The following CFAP47 variants were observed in gnomAD, a reference collection of about 807,000 sequenced individuals.
CFAP47 encodes the protein cilia- and flagella-associated protein 47.
CFAP47 carries 29 observed loss-of-function variants against 148.1 expected under a neutral mutation model. The ratio of observed to expected loss-of-function variants is 0.20; its 90% CI spans 0.15 to 0.27. The LOEUF is 0.27. Among genes scored for constraint, CFAP47 ranks in the 10% least tolerant of loss-of-function variants. The pLI is 1.00. For missense variants in CFAP47, 1,872 were observed against 1,697.5 expected, an observed-to-expected ratio of 1.10 and a Z score of -1.81; for synonymous variants, 664 against 577.3, an observed-to-expected ratio of 1.15 and a Z score of -2.15.
rs1935642245 is a variant in CFAP47, at chrX:35,924,010, AATATATATGCACAT to A, written c.250-2000_250-1987del. On this transcript the variant is annotated intron_variant, in intron 1 of 63. Coordinates refer to ENST00000378653, the MANE Select transcript of CFAP47 (RefSeq NM_001304548.2). The stretch of plus-strand genomic sequence containing the variant: ...ATGTACATATATGTGTATATGTGTA[AATATATATGCACAT>A]ATATATGCACATATATGTGTATATG... Among the ~76,000 whole-genome samples, 6 of 92,162 alleles carry A rather than the reference AATATATATGCACAT, an allele frequency of 6.5e-5. No individual in the cohort carries two copies. In the South Asian group the frequency reaches 1.5e-3, roughly 23 times the overall value. The allele number at this position is 92,162 out of a possible 115,157, so 80.0% of individuals were successfully genotyped here. A position where few individuals can be genotyped will look rare whatever the true frequency, so the allele number is the denominator to read the frequency against.
At chrX:36,095,314 A>G (rs778028844) in intron 30 of CFAP47, among the ~76,000 whole-genome samples, 2 of 111,884 alleles carry the variant, frequency 1.8e-5, no homozygotes, top group Non-Finnish European at 3.8e-5. Flanking sequence ...GGATTTCTGC[A>G]TCAATATTCA....
chrX:36,354,254 G>A (rs1556018026), intron 60 of CFAP47, among the ~76,000 whole-genome samples: 2 of 110,503 alleles, frequency 1.8e-5, no homozygotes, highest in Non-Finnish European at 3.8e-5. Context: ...GGTCAAGGCG[G>A]GAGGATCACG....
chrX:36,072,245 A>G (rs1937769042), intron 28 of CFAP47, among the ~76,000 whole-genome samples: 1 of 112,158 alleles, frequency 8.9e-6, no homozygotes, highest in South Asian at 3.6e-4. Context: ...CCATTTATTA[A>G]ATGCATTGGG....
At chrX:36,337,986 CAGCCTCCCGAGT>C (rs1941621446) in intron 57 of CFAP47, among the ~76,000 whole-genome samples, 1 of 102,931 alleles carries the variant, frequency 9.7e-6, no homozygotes, top group Non-Finnish European at 2.0e-5. Context: ...TCTCCTGCCG[CAGCCTCCCGAGT>C]AGCTGGGACT....
At chrX:35,920,294 C>G (rs1415074005) in intron 1 of CFAP47, among the ~76,000 whole-genome samples, 1 of 111,599 alleles carries the variant, frequency 9.0e-6, no homozygotes, top group African/African-American at 3.3e-5. Flanking sequence ...CTCCCCATTT[C>G]TTCAACCTGG....
chrX:36,158,425 A>C (rs143131112), intron 37 of CFAP47, among the ~76,000 whole-genome samples: 1,709 of 112,358 alleles, frequency 0.015, 51 homozygotes, highest in Admixed American at 0.09. Flanking sequence ...TTATTTAAAC[A>C]GTGAAAGCAT....
intron 62 of CFAP47, among the ~76,000 whole-genome samples, chrX:36,368,917 T>A (rs1283464114): frequency 9.0e-6 from 1 of 111,421 alleles, no homozygotes; most frequent in Non-Finnish European, 1.9e-5. Context: ...GTAACTGTTT[T>A]TGATATTAAG....
rs189082533 is a variant in CFAP47, at chrX:35,975,858, A to G, written c.2658A>G (p.Gln886=). Residue 886 remains glutamine (Q), a synonymous_variant, in exon 15 of 64, where the codon CAA becomes CAG. Transcript: ENST00000378653. ...GTCAGAATTGTTGTGCTCAGTTTCA[A>G]TGGCAACCCGTAAACACAGGAAGAG... ...YNRQNCCAQF[Q]WQPVNTGRGI... The G allele has an allele frequency of 9.9e-6, 12 of 1,207,470 alleles. No individual in the cohort carries two copies. The African/African-American group carries it at 1.2e-4, about 12-fold the overall frequency.
chrX:36,383,897 C>T (rs1343495525), intron 63 of CFAP47, among the ~76,000 whole-genome samples: 8 of 111,497 alleles, frequency 7.2e-5, no homozygotes, highest in Non-Finnish European at 1.3e-4. Flanking sequence ...AAGTTCTGCA[C>T]AAGGAATGAG....
intron 24 of CFAP47, among the ~76,000 whole-genome samples, chrX:36,038,544 C>T (rs1046593697): frequency 3.2e-4 from 36 of 111,912 alleles, no homozygotes; most frequent in Non-Finnish European, 5.6e-4. Flanking sequence ...ATTTGGGATA[C>T]AGCACATTCC....
intron 49 of CFAP47, among the ~76,000 whole-genome samples, chrX:36,276,162 A>G (rs1387245000): frequency 9.0e-6 from 1 of 110,900 alleles, no homozygotes; most frequent in Non-Finnish European, 1.9e-5. Flanking sequence ...GCATCTTTGT[A>G]TATAACTCTT....
intron 27 of CFAP47, among the ~76,000 whole-genome samples, chrX:36,066,558 G>A (rs898804381): frequency 1.8e-4 from 20 of 111,478 alleles, no homozygotes; most frequent in African/African-American, 3.9e-4. Flanking sequence ...AGCATGTATC[G>A]TGACTCTTTT....
intron 37 of CFAP47, among the ~76,000 whole-genome samples, chrX:36,158,862 G>T (rs762385468): frequency 1.8e-5 from 2 of 111,140 alleles, no homozygotes; most frequent in Non-Finnish European, 3.8e-5. Flanking sequence ...CCTACAGACT[G>T]GTGAATGGAA....
intron 51 of CFAP47, among the ~76,000 whole-genome samples, chrX:36,285,983 A>G (rs1412171346): frequency 1.8e-5 from 2 of 111,597 alleles, no homozygotes; most frequent in African/African-American, 3.2e-5. Flanking sequence ...GAGTTACTAG[A>G]GCAAACTTAA....
chrX:36,344,954 C>T (rs1390929302), intron 57 of CFAP47, among the ~76,000 whole-genome samples: 1 of 111,468 alleles, frequency 9.0e-6, no homozygotes, highest in African/African-American at 3.3e-5. Context: ...TCTTTCATTA[C>T]CTTGAAGGGA....
intron 51 of CFAP47, among the ~76,000 whole-genome samples, chrX:36,296,222 T>A (rs987401381): frequency 2.7e-5 from 3 of 112,286 alleles, no homozygotes; most frequent in African/African-American, 9.7e-5. Context: ...TCTGGCCAAC[T>A]GTAGAATATT....
chrX:36,238,539 T>C (rs1305298455), intron 48 of CFAP47, among the ~76,000 whole-genome samples: 3 of 112,086 alleles, frequency 2.7e-5, no homozygotes, highest in African/African-American at 9.7e-5. Flanking sequence ...TTGTTTCCTC[T>C]GCTGTGACCT....
At position 36,348,302 on chromosome X, in the gene CFAP47, A is replaced by G; in HGVS notation, c.8603+14A>G. The G allele has an allele frequency of 1.1e-6, 1 of 923,994 alleles. No homozygotes were observed. The highest frequency in any genetic ancestry group is 1.4e-6 in the Non-Finnish European group (1 of 714,942). 76.1% of individuals were successfully genotyped at this position (923,994 alleles called of 1,213,427 possible). A position where few individuals can be genotyped will look rare whatever the true frequency, so the allele number is the denominator to read the frequency against. On this transcript the variant is annotated intron_variant, in intron 58 of 63. Coordinates refer to ENST00000378653, the MANE Select transcript of CFAP47 (RefSeq NM_001304548.2). ...AAAATTTAAAAGGTAACATTTAAAT[A>G]AAGACATTGAAGGAAAATAATTTTA...
chrX:35,945,414 A>G (rs1361186816), intron 3 of CFAP47, among the ~76,000 whole-genome samples: 1 of 111,004 alleles, frequency 9.0e-6, no homozygotes, highest in Non-Finnish European at 1.9e-5. Flanking sequence ...TCCTTGGACC[A>G]TCACTTCCCT....
Sources: gnomAD v4.1 joint callset for allele counts (sites outside exome capture counted in the v4.1 genomes callset) on GRCh38, gnomAD v4.1.1 for gene constraint, MANE v1.5 for transcripts, NCBI Gene and HGNC (gene_info 2026-07-23, HGNC 2026-07-21) for gene names.